Variants in CPNE2 observed in about 807,000 individuals in gnomAD.
The protein encoded by CPNE2 is copine-2.
A neutral mutation model predicts 69.7 loss-of-function variants in CPNE2; 42 were observed. That is an observed-to-expected ratio of 0.60 (90% CI 0.47 to 0.78). CPNE2 has a LOEUF of 0.78. Ranked by LOEUF, CPNE2 falls within the 30% of genes least tolerant of loss-of-function variation. The probability of loss-of-function intolerance (pLI) is 0.00; values close to 1 mark genes in which losing one functional copy is unlikely to be tolerated. For missense variants in CPNE2, 587 were observed against 732.0 expected (o/e 0.80, Z 2.29); for synonymous variants, 294 against 289.8 (o/e 1.01, Z -0.15).
chr16:57,109,597 G>T (rs1370089985), intron 1 of CPNE2, among the ~76,000 whole-genome samples: 1 of 152,164 alleles, frequency 6.6e-6, no homozygotes, highest in African/African-American at 2.4e-5. Context: ...TAAACAAGTG[G>T]CAGATTATTC....
intron 9 of CPNE2, among the ~76,000 whole-genome samples, chr16:57,122,750 G>T (rs1021368085): frequency 6.6e-6 from 1 of 151,942 alleles, no homozygotes; most frequent in African/African-American, 2.4e-5. Flanking sequence ...ATGCCACTAC[G>T]CCTGGCTAAT....
In CPNE2 at chr16:57,097,324, T is replaced by G. The variant is rs553233389; in HGVS notation, c.-36+4534T>G. 5.3e-5 allele frequency among the ~76,000 whole-genome samples: 8 copies of G among 152,264 alleles called. No homozygotes were observed. In the South Asian group the frequency reaches 1.7e-3, roughly 32 times the overall value. On this transcript the variant is annotated intron_variant, in intron 1 of 15. Coordinates refer to ENST00000290776, the MANE Select transcript of CPNE2 (RefSeq NM_152727.6). ...AGCCTGAGTGTGTCTTGATCATGGTTGCCCCTCCAGCACACAGCAAAGTCC... is the reference window on the plus strand; with the variant it reads ...AGCCTGAGTGTGTCTTGATCATGGTGGCCCCTCCAGCACACAGCAAAGTCC...
chr16:57,147,314 T>C (rs2069965801), intron 15 of CPNE2: 1 of 384,502 alleles, frequency 2.6e-6, no homozygotes, highest in Admixed American at 4.5e-5. Context: ...GCATCTCAAG[T>C]GCTCCAGGTA....
At chr16:57,103,806 T>G (rs1197576690) in intron 1 of CPNE2, among the ~76,000 whole-genome samples, 1 of 152,190 alleles carries the variant, frequency 6.6e-6, no homozygotes, top group Non-Finnish European at 1.5e-5. Context: ...GGCTACTTTC[T>G]CCTCACAGCC....
intron 5 of CPNE2, 93 bp downstream of exon 5, chr16:57,117,660 C>T: frequency 7.2e-7 from 1 of 1,389,860 alleles, no homozygotes; most frequent in African/African-American, 1.4e-5. Context: ...CGGGCCACCA[C>T]CTCCATCACA....
At chr16:57,124,935 C>T (rs1196295404) in intron 10 of CPNE2, 9 of 243,816 alleles carry the variant, frequency 3.7e-5, no homozygotes, top group Middle Eastern at 1.6e-3. Context: ...TCCTTTGTGC[C>T]GGGCTCTAGG....
chr16:57,113,927 C>T (rs377322624), intron 3 of CPNE2, among the ~76,000 whole-genome samples: 5 of 152,392 alleles, frequency 3.3e-5, no homozygotes, highest in East Asian at 1.9e-4. Flanking sequence ...AAGTCTCAAT[C>T]ATTCCTTATG....
At chr16:57,109,240 C>G (rs773757063) in intron 1 of CPNE2, among the ~76,000 whole-genome samples, 1 of 152,080 alleles carries the variant, frequency 6.6e-6, no homozygotes, top group Non-Finnish European at 1.5e-5. Context: ...ATTTGGGAGA[C>G]CCAGGTGGGT....
chr16:57,120,873 C>T (rs1260875255), intron 7 of CPNE2, among the ~76,000 whole-genome samples: 2 of 152,152 alleles, frequency 1.3e-5, no homozygotes, highest in Non-Finnish European at 2.9e-5. Context: ...CTAGAGGGTA[C>T]AGCCTCCATC....
intron 2 of CPNE2, among the ~76,000 whole-genome samples, 161 bp downstream of exon 2, chr16:57,111,083 T>G (rs1445585273): frequency 7.0e-6 from 1 of 143,782 alleles, no homozygotes; most frequent in African/African-American, 2.7e-5. Context: ...AAAATGAAAT[T>G]TTATTTTAAA....
At chr16:57,133,533 C>T (rs987667493) in intron 12 of CPNE2, among the ~76,000 whole-genome samples, 17 of 152,230 alleles carry the variant, frequency 1.1e-4, no homozygotes, top group South Asian at 4.1e-4. Flanking sequence ...AAAATGGGGA[C>T]GCTGGATGCA....
chr16:57,128,233 T>G lies in CPNE2; in HGVS notation c.1116+330T>G, dbSNP rs1479841913. ...TTTATTTTTATGTGTTTATTTTTATTTATTTATTTATTTAGAGACAGAGTC... is the reference window on the plus strand; with the variant it reads ...TTTATTTTTATGTGTTTATTTTTATGTATTTATTTATTTAGAGACAGAGTC... On this transcript the variant is annotated intron_variant, in intron 12 of 15. Coordinates refer to ENST00000290776, the MANE Select transcript of CPNE2 (RefSeq NM_152727.6). Among the ~76,000 whole-genome samples, 3 of 152,184 alleles carry G rather than the reference T, an allele frequency of 2.0e-5. No individual in the cohort carries two copies. In the East Asian group the frequency reaches 5.8e-4, roughly 29 times the overall value.
At chr16:57,125,794 C>A in intron 10 of CPNE2, 66 bp from the exon 11 acceptor site, 1 of 1,598,784 alleles carries the variant, frequency 6.3e-7, no homozygotes, top group South Asian at 1.1e-5. Context: ...TCTCCTATTC[C>A]CTGGGAGTGG....
chr16:57,123,515 G>T (rs761794678), intron 10 of CPNE2, 42 bp downstream of exon 10: 3 of 1,596,468 alleles, frequency 1.9e-6, no homozygotes, highest in Non-Finnish European at 2.6e-6. Context: ...CCCCATCCCA[G>T]TGAGGGTCCT....
At chr16:57,113,576 C>T in intron 3 of CPNE2, 109 bp downstream of exon 3, 1 of 1,169,086 alleles carries the variant, frequency 8.6e-7, no homozygotes, top group Non-Finnish European at 1.2e-6. Context: ...GGGTGGGTCC[C>T]AAAGTGCAGA....
rs755173150 is a variant in CPNE2 at position 57,119,548 on chromosome 16, C to G, written c.592-13C>G. On this transcript the variant is annotated splice_polypyrimidine_tract_variant and intron_variant, in intron 6 of 15. Coordinates refer to ENST00000290776, the MANE Select transcript of CPNE2 (RefSeq NM_152727.6). ...CAGGGCCTGAGCTCACAGCATCCCTCTCTGTCCCACAGGTGATCAAGTACA... is the reference window on the plus strand; with the variant it reads ...CAGGGCCTGAGCTCACAGCATCCCTGTCTGTCCCACAGGTGATCAAGTACA... 1 of 1,608,382 alleles carries G rather than the reference C, an allele frequency of 6.2e-7. No individual in the cohort carries two copies. Among genetic ancestry groups the G allele is most frequent in the Non-Finnish European group, 8.5e-7 (1 of 1,176,348 alleles).
At chr16:57,107,766 A>G (rs1423802540) in intron 1 of CPNE2, among the ~76,000 whole-genome samples, 2 of 151,972 alleles carry the variant, frequency 1.3e-5, no homozygotes, top group Non-Finnish European at 2.9e-5. Flanking sequence ...ACCCTATCAG[A>G]GCCCACAGCT....
intron 12 of CPNE2, among the ~76,000 whole-genome samples, chr16:57,131,047 C>T (rs1295366014): frequency 6.6e-6 from 1 of 151,866 alleles, no homozygotes; most frequent in East Asian, 2.0e-4. Flanking sequence ...TGGGGAGTCG[C>T]TGCAGATGGG....
chr16:57,126,010 G>C lies in CPNE2; in HGVS notation c.1061+17G>C. On this transcript the variant is annotated intron_variant, in intron 11 of 15. Transcript: ENST00000290776. ...CTACGACAGGTAAGGTTGGAGAGGG[G>C]CTCTGAAGGTCAGCTAGGGTTCCAT... 6.2e-7 allele frequency: 1 copy of C among 1,613,682 alleles called. No homozygotes were observed. The highest frequency in any genetic ancestry group is 1.1e-5 in the South Asian group (1 of 90,986).
Sources: gnomAD v4.1 joint callset for allele counts (sites outside exome capture counted in the v4.1 genomes callset) on GRCh38, gnomAD v4.1.1 for gene constraint, MANE v1.5 for transcripts, NCBI Gene and HGNC (gene_info 2026-07-23, HGNC 2026-07-21) for gene names.